Variants in MED13L observed in about 807,000 individuals in gnomAD.
The protein encoded by MED13L is mediator of RNA polymerase II transcription subunit 13-like.
MED13L carries 7 observed loss-of-function variants against 220.9 expected under a neutral mutation model. The observed-to-expected ratio is 0.03, with a 90% CI of 0.02 to 0.06. The LOEUF (loss-of-function observed/expected upper bound fraction) is 0.06, where lower values mean the gene tolerates loss of function less well. Ranked by LOEUF, MED13L falls within the 10% of genes least tolerant of loss-of-function variation. The probability of loss-of-function intolerance (pLI) is 1.00; values close to 1 mark genes in which losing one functional copy is unlikely to be tolerated. For synonymous variants in MED13L, 1,011 were observed against 1,015.2 expected (o/e 1.00, Z 0.08); for missense variants, 1,965 against 2,760.5 (o/e 0.71, Z 6.46).
At chr12:115,974,983 A>G (rs1876835419) in intron 25 of MED13L, among the ~76,000 whole-genome samples, 188 bp downstream of exon 25, 1 of 152,192 alleles carries the variant, frequency 6.6e-6, no homozygotes, top group South Asian at 2.1e-4. Context: ...TTAAGATTTT[A>G]TTTGGATATT....
chr12:116,248,468 C>T (rs577176650), intron 1 of MED13L, among the ~76,000 whole-genome samples: 17 of 152,136 alleles, frequency 1.1e-4, no homozygotes, highest in African/African-American at 4.1e-4. Context: ...TATCAAAGGG[C>T]TAATTGAACA....
chr12:116,152,926 T>C (rs376285804), intron 2 of MED13L, among the ~76,000 whole-genome samples: 1 of 151,454 alleles, frequency 6.6e-6, no homozygotes, highest in Admixed American at 6.6e-5. Context: ...ACATTTTTCA[T>C]AATAGAAGTT....
intron 28 of MED13L, among the ~76,000 whole-genome samples, chr12:115,967,412 A>G (rs1876257808): frequency 6.6e-6 from 1 of 152,152 alleles, no homozygotes; most frequent in Non-Finnish European, 1.5e-5. Flanking sequence ...CTCAGGATTG[A>G]AAAAGGCCAC....
chr12:116,146,652 G>A (rs1877545995), intron 2 of MED13L, among the ~76,000 whole-genome samples: 1 of 151,932 alleles, frequency 6.6e-6, no homozygotes, highest in Non-Finnish European at 1.5e-5. Flanking sequence ...GACTGCTTGA[G>A]GCCAGGAATT....
At chr12:116,102,045 T>C (rs1479140234) in intron 3 of MED13L, among the ~76,000 whole-genome samples, 1 of 152,164 alleles carries the variant, frequency 6.6e-6, no homozygotes, top group African/African-American at 2.4e-5. Context: ...CTTTAAGCAA[T>C]AGTACTAGGA....
At position 115,961,026 on chromosome 12, in the gene MED13L, G is replaced by A. The variant is rs538663455; in HGVS notation, c.*240C>T. ...AGTGGTTGGGGCTACACACACCACC[G>A]CACTGGCTGAAAGTCACCACTTATG... On this transcript the variant is annotated 3_prime_UTR_variant, in exon 31 of 31. Transcript: ENST00000281928. 21 of 549,668 alleles carry A rather than the reference G, an allele frequency of 3.8e-5. No homozygotes were observed. The highest frequency in any genetic ancestry group is 5.0e-4 in the Middle Eastern group (1 of 1,990). The allele number at this position is 549,668 out of a possible 1,614,324, so 34.0% of individuals were successfully genotyped here.
intron 2 of MED13L, among the ~76,000 whole-genome samples, chr12:116,148,051 CAAAAA>C (rs10678970): frequency 2.5e-3 from 45 of 18,134 alleles, no homozygotes; most frequent in South Asian, 0.012. Flanking sequence ...GACCCCATCT[CAAAAA>C]AAAAAAAAAA....
At chr12:116,212,411 T>C (rs1357153535) in intron 2 of MED13L, among the ~76,000 whole-genome samples, 1 of 152,204 alleles carries the variant, frequency 6.6e-6, no homozygotes, top group East Asian at 1.9e-4. Context: ...TAACAGCCTC[T>C]CTCACATGAA....
intron 4 of MED13L, among the ~76,000 whole-genome samples, chr12:116,047,785 A>G (rs555262809): frequency 6.6e-6 from 1 of 152,296 alleles, no homozygotes; most frequent in South Asian, 2.1e-4. Flanking sequence ...AGTTTTGCCC[A>G]TGTTCTACTG....
intron 7 of MED13L, among the ~76,000 whole-genome samples, chr12:116,016,515 G>C: frequency 6.6e-6 from 1 of 152,066 alleles, no homozygotes; most frequent in South Asian, 2.1e-4. Flanking sequence ...GAAATAAACA[G>C]AAGTATGAAG....
intron 1 of MED13L, among the ~76,000 whole-genome samples, chr12:116,245,206 C>T (rs540297366): frequency 4.7e-4 from 71 of 152,290 alleles, no homozygotes; most frequent in African/African-American, 1.6e-3. Flanking sequence ...CTCCCTACCA[C>T]TGCCCTCTAA....
intron 2 of MED13L, among the ~76,000 whole-genome samples, chr12:116,141,028 C>A (rs912930835): frequency 6.6e-6 from 1 of 152,050 alleles, no homozygotes; most frequent in Non-Finnish European, 1.5e-5. Flanking sequence ...TGTCTCTAAT[C>A]GTGAGAGCAA....
At chr12:116,162,361 G>A (rs185058407) in intron 2 of MED13L, among the ~76,000 whole-genome samples, 14 of 152,254 alleles carry the variant, frequency 9.2e-5, no homozygotes, top group African/African-American at 3.1e-4. Context: ...TTCATGAATC[G>A]AGAATAAAAG....
At chr12:116,014,357 A>G (rs1379267070) in intron 8 of MED13L, among the ~76,000 whole-genome samples, 2 of 152,214 alleles carry the variant, frequency 1.3e-5, no homozygotes, top group African/African-American at 4.8e-5. Flanking sequence ...GTCTACTTTC[A>G]TTAGTCAAGA....
At chr12:116,099,922 G>A (rs1872922329) in intron 3 of MED13L, among the ~76,000 whole-genome samples, 1 of 152,190 alleles carries the variant, frequency 6.6e-6, no homozygotes, top group African/African-American at 2.4e-5. Context: ...GGAAAATACC[G>A]ATGCTTCAAG....
chr12:116,002,936 T>G, intron 14 of MED13L, 67 bp downstream of exon 14: 4 of 1,220,866 alleles, frequency 3.3e-6, no homozygotes. Context: ...CACCACTAAG[T>G]ATGAGAATAT....
At chr12:116,053,326 T>C (rs1868665250) in intron 4 of MED13L, among the ~76,000 whole-genome samples, 1 of 152,062 alleles carries the variant, frequency 6.6e-6, no homozygotes, top group African/African-American at 2.4e-5. Context: ...TAATCGAAGG[T>C]ATACATAAAT....
At chr12:116,168,150 AAG>A (rs907707780) in intron 2 of MED13L, among the ~76,000 whole-genome samples, 9 of 151,946 alleles carry the variant, frequency 5.9e-5, no homozygotes, top group African/African-American at 1.4e-4. Flanking sequence ...GTATGAAACA[AAG>A]AGTCACATGA....
chr12:116,128,638 A>G (rs1875806623), intron 2 of MED13L, among the ~76,000 whole-genome samples: 1 of 152,206 alleles, frequency 6.6e-6, no homozygotes, highest in African/African-American at 2.4e-5. Context: ...TGCATAATTC[A>G]TTCTACTTAT....
Sources: allele counts gnomAD v4.1 joint callset (sites outside exome capture counted in the v4.1 genomes callset), GRCh38; gene constraint gnomAD v4.1.1; transcripts MANE v1.5; gene names NCBI Gene and HGNC (gene_info 2026-07-23, HGNC 2026-07-21).